Variants in NPEPL1 observed in about 807,000 individuals in gnomAD.
NPEPL1 encodes the protein aminopeptidase like 1, also known as probable aminopeptidase NPEPL1.
Under a neutral mutation model 52.4 loss-of-function variants are expected in NPEPL1, and 45 were observed. The ratio of observed to expected loss-of-function variants is 0.86; its 90% CI spans 0.68 to 1.10. The LOEUF is 1.10. Ranked by LOEUF, NPEPL1 falls within the 50% of genes least tolerant of loss-of-function variation. NPEPL1 has a pLI of 0.00. For missense variants in NPEPL1, 696 were observed against 710.9 expected (o/e 0.98, Z 0.24); for synonymous variants, 360 against 314.7 (o/e 1.14, Z -1.52).
chr20:58,694,586 A>C lies in NPEPL1; in HGVS notation c.501A>C (p.Thr167=). The part of the protein sequence containing the change: ...GQDNGPVEVS[T]LQCLANATDG... ...ACAACGGGCCGGTGGAGGTGTCCAC[A>C]TTGCAGGTGGGTGTCTGGAAGGGCA... is the stretch of plus-strand genomic sequence containing the variant. Residue 167 remains threonine (T), a synonymous_variant, in exon 3 of 12, where the codon ACA becomes ACC. Coordinates refer to ENST00000356091, the MANE Select transcript of NPEPL1 (RefSeq NM_024663.4). The C allele has an allele frequency of 6.2e-7, 1 of 1,611,748 alleles. No individual in the cohort carries two copies. Among genetic ancestry groups the C allele is most frequent in the Non-Finnish European group, 8.5e-7 (1 of 1,178,800 alleles).
intron 6 of NPEPL1, 134 bp from the exon 7 acceptor site, chr20:58,706,989 G>T: frequency 6.8e-6 from 6 of 886,342 alleles, no homozygotes; most frequent in Middle Eastern, 3.0e-4. Flanking sequence ...AGGAGGCCTG[G>T]TGTGGGGGCT....
chr20:58,692,136 G>T, upstream of NPEPL1: 2 of 410,694 alleles, frequency 4.9e-6, no homozygotes, highest in Non-Finnish European at 8.8e-6. This position sits in a 1 kb window ranked among gnomAD's most constrained non-coding sequence, Gnocchi z 5.7. Flanking sequence ...GGCCCCCCAT[G>T]CAGCCAGGCA....
chr20:58,692,847 C>T lies in NPEPL1; in HGVS notation c.-54C>T, dbSNP rs1440178088. 2 of 987,932 alleles carry T rather than the reference C, an allele frequency of 2.0e-6. No individual in the cohort carries two copies. The highest frequency in any genetic ancestry group is 2.4e-6 in the Non-Finnish European group (2 of 832,606). The allele number at this position is 987,932 out of a possible 1,614,324, so 61.2% of individuals were successfully genotyped here. On this transcript the variant is annotated 5_prime_UTR_variant, in exon 1 of 12. Coordinates refer to ENST00000356091, the MANE Select transcript of NPEPL1 (RefSeq NM_024663.4). The surrounding 1 kb of genome is among the most constrained non-coding windows in gnomAD (Gnocchi z 5.7). ...CGGGCCGGAGCGGGGCGAAGGGGGC[C>T]GAGCGGCGGGCCGGGCCGGGCCGGG... is the stretch of plus-strand genomic sequence containing the variant.
intron 3 of NPEPL1, among the ~76,000 whole-genome samples, chr20:58,694,900 CGT>C (rs2084430351): frequency 6.6e-6 from 1 of 152,154 alleles, no homozygotes; most frequent in South Asian, 2.1e-4. Context: ...TCCGTGTGCA[CGT>C]GTGTGATGTA....
At position 58,698,713 on chromosome 20, in the gene NPEPL1, G is replaced by A. The variant is rs759978179; in HGVS notation, c.537G>A (p.Arg179=). The A allele has an allele frequency of 2.5e-6, 4 of 1,612,818 alleles. No homozygotes were observed. Among genetic ancestry groups the A allele is most frequent in the Non-Finnish European group, 3.4e-6 (4 of 1,179,852 alleles). Residue 179 remains arginine (R), a synonymous_variant, in exon 4 of 12, where the codon CGG becomes CGA. Coordinates refer to ENST00000356091, the MANE Select transcript of NPEPL1 (RefSeq NM_024663.4). ...QCLANATDGV[R]LAARIVDTPC... ...TAGCGAATGCCACAGACGGCGTGCG[G>A]CTAGCAGCCCGCATCGTGGACACAC...
intron 6 of NPEPL1, among the ~76,000 whole-genome samples, chr20:58,706,059 G>A (rs546118273): frequency 4.6e-4 from 70 of 152,302 alleles, no homozygotes; most frequent in Non-Finnish European, 7.6e-4. Flanking sequence ...TACCTCTGAG[G>A]ACCTGCTGTT....
chr20:58,706,937 C>T (rs1354935792), intron 6 of NPEPL1, among the ~76,000 whole-genome samples, 186 bp from the exon 7 acceptor site: 1 of 152,100 alleles, frequency 6.6e-6, no homozygotes, highest in East Asian at 1.9e-4. Context: ...TGGAGAACAC[C>T]CCACTTGGCC....
Position 58,709,119 on chromosome 20 carries a change from C to T in NPEPL1, c.900+1919C>T, listed in dbSNP as rs567214377. ...CACTCCTCCACCTCTAGAGGTGCTGCGGCCTCTAGAGGTGGAGGAGCACCT... is the reference window on the plus strand; with the variant it reads ...CACTCCTCCACCTCTAGAGGTGCTGTGGCCTCTAGAGGTGGAGGAGCACCT... On this transcript the variant is annotated intron_variant, in intron 7 of 11. Coordinates refer to ENST00000356091, the MANE Select transcript of NPEPL1 (RefSeq NM_024663.4). Among the ~76,000 whole-genome samples, 456 of 151,936 alleles carry T rather than the reference C, an allele frequency of 3.0e-3. 3 individuals are homozygous for T. Among genetic ancestry groups the T allele is most frequent in the Middle Eastern group, 0.014 (4 of 294 alleles).
chr20:58,692,102 T>A, upstream of NPEPL1: 1 of 469,498 alleles, frequency 2.1e-6, no homozygotes, highest in Non-Finnish European at 3.8e-6. This position sits in a 1 kb window ranked among gnomAD's most constrained non-coding sequence, Gnocchi z 5.7. Context: ...CAGATGACCC[T>A]TCTTGCAAAG....
chr20:58,705,216 G>A (rs2084714139), intron 6 of NPEPL1, among the ~76,000 whole-genome samples: 1 of 152,166 alleles, frequency 6.6e-6, no homozygotes, highest in South Asian at 2.1e-4. Flanking sequence ...ATATCTGCCA[G>A]ATACCTAAAT....
chr20:58,714,802 C>A, intron 11 of NPEPL1, 132 bp downstream of exon 11: 1 of 706,568 alleles, frequency 1.4e-6, no homozygotes, highest in Non-Finnish European at 2.4e-6. Context: ...AGCCCGCTGT[C>A]CCCACCACCC....
intron 3 of NPEPL1, among the ~76,000 whole-genome samples, chr20:58,695,789 T>G (rs865911792): frequency 8.5e-4 from 129 of 152,240 alleles, no homozygotes; most frequent in African/African-American, 3.0e-3. Flanking sequence ...CTAACTGGTT[T>G]GCCTTGCTTA....
chr20:58,709,193 A>AT (rs780455906), intron 7 of NPEPL1, among the ~76,000 whole-genome samples: 61 of 151,138 alleles, frequency 4.0e-4, no homozygotes, highest in Non-Finnish European at 6.8e-4. Context: ...CTGGACAAAG[A>AT]TCCCCCTCCC....
At chr20:58,695,380 A>C (rs1019663022) in intron 3 of NPEPL1, among the ~76,000 whole-genome samples, 1 of 16,714 alleles carries the variant, frequency 6.0e-5, no homozygotes, top group Non-Finnish European at 1.6e-4. Flanking sequence ...GCACTTCTAC[A>C]TGTGTTATTT....
Position 58,713,783 on chromosome 20 carries a change from GT to G in NPEPL1, c.1126-128del. On this transcript the variant is annotated intron_variant, in intron 9 of 11. Coordinates refer to ENST00000356091, the MANE Select transcript of NPEPL1 (RefSeq NM_024663.4). The surrounding 1 kb of genome is among the most constrained non-coding windows in gnomAD (Gnocchi z 4.6). ...CATGGCCATGGTCCTTTCTGCCTGTGTTTTTTCTTTTTTTCTCAACCGTCTC... is the reference window on the plus strand; with the variant it reads ...CATGGCCATGGTCCTTTCTGCCTGTGTTTTTCTTTTTTTCTCAACCGTCTC... 1 of 1,160,900 alleles carries G rather than the reference GT, an allele frequency of 8.6e-7. No homozygotes were observed. Among genetic ancestry groups the G allele is most frequent in the Non-Finnish European group, 1.2e-6 (1 of 869,324 alleles). The allele number at this position is 1,160,900 out of a possible 1,614,324, so 71.9% of individuals were successfully genotyped here. A position where few individuals can be genotyped will look rare whatever the true frequency, so the allele number is the denominator to read the frequency against.
chr20:58,701,425 A>C (rs1239066837), intron 6 of NPEPL1, among the ~76,000 whole-genome samples: 2 of 30,838 alleles, frequency 6.5e-5, no homozygotes, highest in African/African-American at 1.3e-4. Flanking sequence ...GAGAGGTGTC[A>C]TGGGGTGGGG....
At chr20:58,691,909 C>A, upstream of NPEPL1, 1 of 937,070 alleles carries the variant, frequency 1.1e-6, no homozygotes, top group Non-Finnish European at 1.7e-6. Flanking sequence ...TTGCATCTGA[C>A]CCTGTGGGTG....
intron 7 of NPEPL1, among the ~76,000 whole-genome samples, chr20:58,708,794 G>C (rs999852326): frequency 2.0e-5 from 3 of 152,264 alleles, no homozygotes; most frequent in Non-Finnish European, 2.9e-5. Flanking sequence ...AGGCGGACGG[G>C]CCCAGCTGTG....
intron 6 of NPEPL1, among the ~76,000 whole-genome samples, chr20:58,702,788 C>T (rs909290058): frequency 1.3e-5 from 2 of 152,196 alleles, no homozygotes; most frequent in Admixed American, 6.5e-5. Context: ...AACAGATACA[C>T]AGATACTTAG....
Sources: gnomAD v4.1 joint callset for allele counts (sites outside exome capture counted in the v4.1 genomes callset) on GRCh38, gnomAD v4.1.1 for gene constraint, Gnocchi (gnomAD v3.1) non-coding constraint, MANE v1.5 for transcripts, NCBI Gene and HGNC (gene_info 2026-07-23, HGNC 2026-07-21) for gene names.